The following BPIFB3 variants were observed in gnomAD, a reference collection of about 807,000 sequenced individuals.
BPIFB3 encodes BPI fold-containing family B member 3.
In BPIFB3, 49 loss-of-function variants were observed where a neutral mutation model predicts 53.1. That is an observed-to-expected ratio of 0.92 (90% CI 0.73 to 1.17). The LOEUF (loss-of-function observed/expected upper bound fraction) is 1.17, where lower values mean the gene tolerates loss of function less well. BPIFB3 is among the 50% of genes most tolerant of loss of function. The pLI is 0.00. For missense variants in BPIFB3, 628 were observed against 592.5 expected (o/e 1.06, Z -0.62); for synonymous variants, 271 against 269.6 (o/e 1.01, Z -0.05).
intron 1 of BPIFB3, 99 bp downstream of exon 2, chr20:33,055,646 T>C: frequency 1.9e-6 from 3 of 1,549,878 alleles, no homozygotes; most frequent in Admixed American, 1.7e-5. Flanking sequence ...TAAGAGCAGG[T>C]TGTGATTCTC....
intron 8 of BPIFB3, 39 bp from the exon 10 acceptor site, chr20:33,066,785 C>T (rs779243397): frequency 7.5e-6 from 12 of 1,598,964 alleles, no homozygotes; most frequent in South Asian, 2.2e-5. Context: ...CCTGTTCTGT[C>T]TCTGTGCTCA....
At position 33,059,398 on chromosome 20, in the gene BPIFB3, C is replaced by T. The variant is rs761108841; in HGVS notation, c.302C>T (p.Thr101Met). ...CCTAGTCTGAAGATTGAGGAGCTCA[C>T]GCTGCCAAAGGTGTTGCTGAAGCTG... is the stretch of plus-strand genomic sequence containing the variant. The change falls in exon 3 of 15, where the codon ACG becomes ATG. Residue 101 changes from threonine (T) to methionine (M), a missense_variant. Coordinates refer to ENST00000375494, the Ensembl canonical transcript of BPIFB3. The T allele has an allele frequency of 2.4e-5, 39 of 1,611,946 alleles. No individual in the cohort carries two copies. The highest frequency in any genetic ancestry group is 1.3e-4 in the Admixed American group (8 of 59,842).
chr20:33,071,387 A>G (rs2146393348), intron 12 of BPIFB3, 92 bp downstream of exon 13: 2 of 1,399,412 alleles, frequency 1.4e-6, no homozygotes, highest in Non-Finnish European at 9.8e-7. Flanking sequence ...GGGCCATATG[A>G]CTGAGCTGAC....
chr20:33,073,245 G>A (rs1321970548), intron 14 of BPIFB3, among the ~76,000 whole-genome samples: 2 of 152,198 alleles, frequency 1.3e-5, no homozygotes, highest in African/African-American at 2.4e-5. Flanking sequence ...CCAACTTTGG[G>A]TGGTGGAATA....
chr20:33,071,023 G>A (rs1980861830), intron 11 of BPIFB3, among the ~76,000 whole-genome samples: 1 of 152,136 alleles, frequency 6.6e-6, no homozygotes, highest in South Asian at 2.1e-4. Context: ...TCAGACAAAG[G>A]CGCCAAGGCC....
intron 9 of BPIFB3, 28 bp from the exon 11 acceptor site, chr20:33,068,775 T>C: frequency 2.5e-6 from 4 of 1,605,156 alleles, no homozygotes; most frequent in Non-Finnish European, 3.4e-6. Context: ...TCCTGGGGCA[T>C]CTAAGTTATG....
At chr20:33,056,748 A>G (rs758356979) in intron 2 of BPIFB3, 50 bp downstream of exon 3, 7 of 1,508,468 alleles carry the variant, frequency 4.6e-6, no homozygotes, top group Admixed American at 2.2e-5. Flanking sequence ...CTTTGCTTCC[A>G]GGAATTGAGG....
chr20:33,067,540 G>A (rs1980717735), intron 9 of BPIFB3, among the ~76,000 whole-genome samples: 2 of 152,206 alleles, frequency 1.3e-5, no homozygotes, highest in South Asian at 4.1e-4. Flanking sequence ...CTTGAAGTTG[G>A]TGATTCAAAG....
chr20:33,061,344 A>C (rs1980445073), intron 4 of BPIFB3, among the ~76,000 whole-genome samples: 2 of 150,002 alleles, frequency 1.3e-5, no homozygotes, highest in African/African-American at 2.5e-5. Context: ...GCCATCATTC[A>C]TTCATTCATT....
Position 33,067,008 on chromosome 20 carries a change from A to G in BPIFB3, c.978+131A>G. ...ACAGTTGAGTCCAAATTCACACTAA[A>G]GTGTGAATGACTAACACGACATCCT... On this transcript the variant is annotated intron_variant, in intron 9 of 14. Coordinates refer to ENST00000375494, the Ensembl canonical transcript of BPIFB3. 5 of 901,524 alleles carry G rather than the reference A, an allele frequency of 5.5e-6. No individual in the cohort carries two copies. The East Asian group carries it at 7.7e-5, about 14-fold the overall frequency. The allele number at this position is 901,524 out of a possible 1,614,324, so 55.8% of individuals were successfully genotyped here. A position where few individuals can be genotyped will look rare whatever the true frequency, so the allele number is the denominator to read the frequency against.
chr20:33,059,838 G>T, intron 3 of BPIFB3, 53 bp from the exon 5 acceptor site: 1 of 1,592,838 alleles, frequency 6.3e-7, no homozygotes, highest in Non-Finnish European at 8.5e-7. Context: ...GGTGGGCGGG[G>T]CCAAGGGTGG....
exon 10 of BPIFB3, chr20:33,068,846 T>C: frequency 1.2e-6 from 2 of 1,613,966 alleles, no homozygotes; most frequent in Non-Finnish European, 1.7e-6. Flanking sequence ...CTACTGTTCC[T>C]GCGGGTGAGG....
intron 13 of BPIFB3, 52 bp from the exon 15 acceptor site, chr20:33,072,665 C>T: frequency 6.6e-7 from 1 of 1,508,334 alleles, no homozygotes; most frequent in Admixed American, 1.7e-5. Flanking sequence ...TTCCTAGGGT[C>T]CAAGAGCTCC....
chr20:33,064,877 G>A (rs941599537), intron 8 of BPIFB3, 32 bp downstream of exon 9: 36 of 1,598,874 alleles, frequency 2.3e-5, no homozygotes, highest in Non-Finnish European at 3.0e-5. Context: ...TGGGGATGGG[G>A]GCTCCTTGCC....
chr20:33,055,438 G>A, exon 1 of BPIFB3: 1 of 1,613,600 alleles, frequency 6.2e-7, no homozygotes. Context: ...AGCCAGTCAT[G>A]CTGGCCCTGT....
intron 2 of BPIFB3, 49 bp downstream of exon 3, chr20:33,056,747 C>T (rs752522043): frequency 2.6e-6 from 4 of 1,510,650 alleles, no homozygotes; most frequent in Non-Finnish European, 3.5e-6. Context: ...GCTTTGCTTC[C>T]AGGAATTGAG....
chr20:33,060,832 T>C (rs1032472702), intron 4 of BPIFB3, among the ~76,000 whole-genome samples: 1 of 152,216 alleles, frequency 6.6e-6, no homozygotes, highest in African/African-American at 2.4e-5. Context: ...CACAAAGTGC[T>C]GGGATTACAG....
Position 33,068,267 on chromosome 20 carries a change from C to G in BPIFB3, c.979-536C>G, listed in dbSNP as rs112293605. On this transcript the variant is annotated intron_variant, in intron 9 of 14. Transcript: ENST00000375494. Reference sequence around the variant, plus strand: ...GGTGGAAGAGCATGGAGTGGCGAAGCTGGCTTAGGAGTGCTGGCTGGTGCT... The same window carrying G: ...GGTGGAAGAGCATGGAGTGGCGAAGGTGGCTTAGGAGTGCTGGCTGGTGCT... Among the ~76,000 whole-genome samples, 148 of 152,310 alleles carry G rather than the reference C, an allele frequency of 9.7e-4. 1 individual carries two copies. In the Middle Eastern group the frequency reaches 0.017, roughly 18 times the overall value.
rs73904446 is a variant in BPIFB3 at position 33,059,151 on chromosome 20, G to A, written c.282-227G>A. ...ACACACCGTACCAGGTTCTGCACTC[G>A]AATTATCTCACTTGTCTTTGCAACA... On this transcript the variant is annotated intron_variant, in intron 2 of 14. Transcript: ENST00000375494. Among the ~76,000 whole-genome samples, 765 of 152,224 alleles carry A rather than the reference G, an allele frequency of 5.0e-3. 8 individuals are homozygous for A. Among genetic ancestry groups the A allele is most frequent in the African/African-American group, 0.018 (735 of 41,510 alleles).
Sources: gnomAD v4.1 joint callset for allele counts (sites outside exome capture counted in the v4.1 genomes callset) on GRCh38, gnomAD v4.1.1 for gene constraint, MANE v1.5 for transcripts, NCBI Gene and HGNC (gene_info 2026-07-23, HGNC 2026-07-21) for gene names.